Variants in COX5A observed in about 807,000 individuals in gnomAD.
The protein encoded by COX5A is cytochrome c oxidase subunit 5A, mitochondrial.
Under a neutral mutation model 16.1 loss-of-function variants are expected in COX5A, and 6 were observed. The ratio of observed to expected loss-of-function variants is 0.37; its 90% CI spans 0.20 to 0.73. The LOEUF (loss-of-function observed/expected upper bound fraction) is 0.73. Among genes scored for constraint, COX5A ranks in the 30% least tolerant of loss-of-function variants. COX5A has a pLI of 0.50. For missense variants in COX5A, 159 were observed against 194.9 expected, an observed-to-expected ratio of 0.82 and a Z score of 1.10; for synonymous variants, 73 against 73.8, an observed-to-expected ratio of 0.99 and a Z score of 0.06.
In COX5A at chr15:74,923,643, C is replaced by T. The variant is rs1292910644; in HGVS notation, c.*9+5G>A. 2.0e-6 allele frequency: 3 copies of T among 1,536,572 alleles called. No individual in the cohort carries two copies. The highest frequency in any genetic ancestry group is 2.2e-5 in the East Asian group (1 of 44,506). ...TCCTGCCTTCTTCAGTGGTTTGTCG[C>T]TTACCCATGCGGTTTACACTTTGTC... On this transcript the variant is annotated splice_donor_5th_base_variant and intron_variant, in intron 4 of 4. Coordinates refer to ENST00000322347, the MANE Select transcript of COX5A (RefSeq NM_004255.4).
chr15:74,933,623 A>T (rs1422949106), intron 1 of COX5A, among the ~76,000 whole-genome samples: 1 of 152,190 alleles, frequency 6.6e-6, no homozygotes, highest in Non-Finnish European at 1.5e-5. Flanking sequence ...CCTTAACTGA[A>T]TACTGAAAGT....
At chr15:74,925,545 C>A (rs913904961) in intron 3 of COX5A, among the ~76,000 whole-genome samples, 1 of 150,250 alleles carries the variant, frequency 6.7e-6, no homozygotes, top group African/African-American at 2.4e-5. Flanking sequence ...TGCACCCCCA[C>A]GCCCGGCTAA....
intron 4 of COX5A, among the ~76,000 whole-genome samples, chr15:74,920,806 C>T (rs958560854): frequency 2.0e-5 from 3 of 152,076 alleles, no homozygotes. Context: ...GGTGAAACCC[C>T]GTCTCCACTA....
At chr15:74,933,820 C>T (rs576691551) in intron 1 of COX5A, among the ~76,000 whole-genome samples, 22 of 152,240 alleles carry the variant, frequency 1.4e-4, no homozygotes, top group African/African-American at 4.6e-4. Context: ...ATAAGCAATT[C>T]GTTTTGTTCA....
rs777353857 is a variant in COX5A at position 74,930,466 on chromosome 15, AG to A, written c.101-1235del. On this transcript the variant is annotated intron_variant, in intron 1 of 4. Coordinates refer to ENST00000322347, the MANE Select transcript of COX5A (RefSeq NM_004255.4). ...CAACAACAACAAAAAAAACCAAAAA[AG>A]CAACAAAAAAAAAAAACTAAGAGCA... Among the ~76,000 whole-genome samples, 636 of 83,580 alleles carry A rather than the reference AG, an allele frequency of 7.6e-3. 1 individual carries two copies. Among genetic ancestry groups the A allele is most frequent in the Non-Finnish European group, 0.012 (464 of 39,468 alleles). The allele number at this position is 83,580 out of a possible 152,430, so 54.8% of individuals were successfully genotyped here. A position where few individuals can be genotyped will look rare whatever the true frequency, so the allele number is the denominator to read the frequency against.
intron 1 of COX5A, among the ~76,000 whole-genome samples, chr15:74,933,746 T>G (rs908228293): frequency 6.6e-6 from 1 of 152,186 alleles, no homozygotes; most frequent in African/African-American, 2.4e-5. Context: ...ATTTACCCAA[T>G]GAAAGGTCTA....
rs760804502 is a variant in COX5A, at chr15:74,926,755, A to ATT, written c.339+9_339+10dup. On this transcript the variant is annotated intron_variant, in intron 3 of 4. Coordinates refer to ENST00000322347, the MANE Select transcript of COX5A (RefSeq NM_004255.4). ...TTTACAGAACAATTTTAGCATTATT[A>ATT]TTTCACTGACCTTAACAACCTCTAG... 7 of 1,602,352 alleles carry ATT rather than the reference A, an allele frequency of 4.4e-6. No homozygotes were observed. In the African/African-American group the frequency reaches 9.4e-5, roughly 22 times the overall value.
At chr15:74,924,138 G>A (rs369076286) in intron 3 of COX5A, among the ~76,000 whole-genome samples, 1 of 151,960 alleles carries the variant, frequency 6.6e-6, no homozygotes, top group Non-Finnish European at 1.5e-5. Context: ...CCAAGATCAC[G>A]CCACTGCACT....
In COX5A at chr15:74,935,186, T is replaced by C. The variant is rs555741322; in HGVS notation, c.100+2729A>G. Among the ~76,000 whole-genome samples the C allele has an allele frequency of 2.6e-5, 4 of 152,174 alleles. No individual in the cohort carries two copies. The South Asian group carries it at 8.3e-4, about 32-fold the overall frequency. On this transcript the variant is annotated intron_variant, in intron 1 of 4. Transcript: ENST00000322347. ...GGCTCTCGCTTGTAATCCCAGCACT[T>C]TGGGAGGCTGAGGTGGAAGGATGGC...
chr15:74,935,049 AG>A lies in COX5A; in HGVS notation c.100+2865del, dbSNP rs375595095. On this transcript the variant is annotated intron_variant, in intron 1 of 4. Coordinates refer to ENST00000322347, the MANE Select transcript of COX5A (RefSeq NM_004255.4). ...GGGTTTAAATTTAGTTAAATCGGAT[AG>A]TTTTCCATTTAATAAATAATCAACC... Among the ~76,000 whole-genome samples the A allele has an allele frequency of 1.5e-3, 223 of 152,362 alleles. 1 individual carries two copies. Among genetic ancestry groups the A allele is most frequent in the African/African-American group, 5.1e-3 (213 of 41,582 alleles).
At chr15:74,926,402 C>T (rs886755742) in intron 3 of COX5A, among the ~76,000 whole-genome samples, 6 of 151,408 alleles carry the variant, frequency 4.0e-5, no homozygotes, top group African/African-American at 1.5e-4. Context: ...TCTCAAACTC[C>T]TGACATTGCA....
chr15:74,934,065 C>T (rs2065378215), intron 1 of COX5A, among the ~76,000 whole-genome samples: 1 of 152,156 alleles, frequency 6.6e-6, no homozygotes, highest in Non-Finnish European at 1.5e-5. Flanking sequence ...GAGAGACCAG[C>T]TTGGGCAACA....
intron 1 of COX5A, among the ~76,000 whole-genome samples, chr15:74,930,717 T>TA (rs1264550838): frequency 1.2e-3 from 156 of 129,020 alleles, no homozygotes; most frequent in South Asian, 2.8e-3. Flanking sequence ...ATTCACACAT[T>TA]AAAAAAAAAA....
At chr15:74,935,571 A>G (rs1028808158) in intron 1 of COX5A, among the ~76,000 whole-genome samples, 1 of 151,688 alleles carries the variant, frequency 6.6e-6, no homozygotes, top group Non-Finnish European at 1.5e-5. Flanking sequence ...ACTGCACTCC[A>G]GCCTAGGCAA....
intron 3 of COX5A, 114 bp downstream of exon 3, chr15:74,926,652 T>A (rs1566978838): frequency 9.3e-7 from 1 of 1,078,544 alleles, no homozygotes; most frequent in Non-Finnish European, 1.3e-6. Flanking sequence ...TCCTTCTAGT[T>A]ATATAAGGAC....
At chr15:74,925,765 C>T (rs2065340437) in intron 3 of COX5A, among the ~76,000 whole-genome samples, 4 of 152,122 alleles carry the variant, frequency 2.6e-5, no homozygotes, top group Admixed American at 2.6e-4. Context: ...GGGAAGCTCC[C>T]TCTTAAGAAT....
At chr15:74,930,735 G>T (rs965716344) in intron 1 of COX5A, among the ~76,000 whole-genome samples, 2 of 147,090 alleles carry the variant, frequency 1.4e-5, no homozygotes, top group Non-Finnish European at 3.0e-5. Flanking sequence ...AAAAAATCTC[G>T]GGCCGGGCTT....
chr15:74,934,487 C>G (rs369066341), intron 1 of COX5A, among the ~76,000 whole-genome samples: 2 of 152,072 alleles, frequency 1.3e-5, no homozygotes, highest in Admixed American at 1.3e-4. Flanking sequence ...CTCGCCACCA[C>G]GCCCGGCTAA....
chr15:74,935,601 A>C (rs1371176203), intron 1 of COX5A, among the ~76,000 whole-genome samples: 1 of 148,620 alleles, frequency 6.7e-6, no homozygotes, highest in Non-Finnish European at 1.5e-5. Flanking sequence ...ACTATCACCA[A>C]AAAAAAAAAA....
Sources: gnomAD v4.1 joint callset for allele counts (sites outside exome capture counted in the v4.1 genomes callset) on GRCh38, gnomAD v4.1.1 for gene constraint, MANE v1.5 for transcripts, NCBI Gene and HGNC (gene_info 2026-07-23, HGNC 2026-07-21) for gene names.